TMEM117: variants seen among roughly 807,000 people sequenced by gnomAD.
TMEM117 encodes the protein transmembrane protein 117.
TMEM117 carries 27 observed loss-of-function variants against 52.4 expected under a neutral mutation model. That is an observed-to-expected ratio of 0.51 (90% confidence interval 0.38 to 0.71). The LOEUF is 0.71. TMEM117 is among the 30% of genes least tolerant of loss of function. The probability of loss-of-function intolerance (pLI) is 0.00; values close to 1 mark genes in which losing one functional copy is unlikely to be tolerated. For synonymous variants in TMEM117, 215 were observed against 206.3 expected, an observed-to-expected ratio of 1.04 and a Z score of -0.36; for missense variants, 556 against 630.5, an observed-to-expected ratio of 0.88 and a Z score of 1.26.
At chr12:43,955,755 C>T (rs778912821) in intron 3 of TMEM117, among the ~76,000 whole-genome samples, 2 of 152,136 alleles carry the variant, frequency 1.3e-5, no homozygotes, top group Non-Finnish European at 2.9e-5. Flanking sequence ...ATTAAACTAC[C>T]GTTGACATTC....
intron 5 of TMEM117, among the ~76,000 whole-genome samples, chr12:44,224,163 C>T (rs556835279): frequency 6.6e-6 from 1 of 152,150 alleles, no homozygotes; most frequent in Non-Finnish European, 1.5e-5. Context: ...CACACATGCA[C>T]AACCTCATAT....
intron 6 of TMEM117, among the ~76,000 whole-genome samples, chr12:44,321,686 G>GA (rs1032508143): frequency 1.7e-4 from 26 of 152,196 alleles, no homozygotes; most frequent in African/African-American, 6.0e-4. Flanking sequence ...TATGATGGGT[G>GA]AAAAAACTAT....
intron 4 of TMEM117, among the ~76,000 whole-genome samples, chr12:44,197,836 A>T (rs1195257174): frequency 2.6e-5 from 4 of 152,206 alleles, no homozygotes; most frequent in African/African-American, 9.7e-5. Flanking sequence ...GGGATCCAGC[A>T]ATAAGGTGCA....
intron 3 of TMEM117, among the ~76,000 whole-genome samples, chr12:44,013,880 AGTT>A (rs927483623): frequency 1.3e-5 from 2 of 152,118 alleles, no homozygotes; most frequent in African/African-American, 4.8e-5. Context: ...ATCTAAGAAG[AGTT>A]GTTGATTTTT....
intron 2 of TMEM117, among the ~76,000 whole-genome samples, chr12:43,918,206 G>C (rs1944637136): frequency 6.6e-6 from 1 of 152,192 alleles, no homozygotes; most frequent in East Asian, 1.9e-4. Context: ...TCATTGCCTG[G>C]AACAGTTCTT....
intron 5 of TMEM117, chr12:44,263,621 T>G (rs1565650746): frequency 6.6e-6 from 1 of 152,198 alleles, no homozygotes; most frequent in African/African-American, 2.4e-5. Context: ...GACTGGTTCC[T>G]TACAGAATTG....
At chr12:43,839,426 C>A (rs1294724719) in intron 1 of TMEM117, among the ~76,000 whole-genome samples, 1 of 152,162 alleles carries the variant, frequency 6.6e-6, no homozygotes, top group Non-Finnish European at 1.5e-5. Flanking sequence ...ATACTGCCCT[C>A]CTTAACGATC....
At chr12:44,197,456 T>C (rs747871459) in intron 4 of TMEM117, among the ~76,000 whole-genome samples, 1 of 152,188 alleles carries the variant, frequency 6.6e-6, no homozygotes, top group Non-Finnish European at 1.5e-5. Context: ...TCATATAATA[T>C]TGGGCTAATA....
chr12:44,057,121 T>C (rs1947068211), intron 3 of TMEM117, among the ~76,000 whole-genome samples: 1 of 152,300 alleles, frequency 6.6e-6, no homozygotes, highest in South Asian at 2.1e-4. Flanking sequence ...ATATTTTACT[T>C]TGAGGTGTTG....
Position 44,191,544 on chromosome 12 carries a change from C to T in TMEM117, c.511-19746C>T, listed in dbSNP as rs116808835. On this transcript the variant is annotated intron_variant, in intron 4 of 7. Transcript: ENST00000266534. ...CATGGTAGAGTTGTAGTAATGGCTT[C>T]AGTTGACATTTTGTTCTGTCCTACT... 5.5e-3 allele frequency among the ~76,000 whole-genome samples: 832 copies of T among 152,260 alleles called. 8 individuals are homozygous for T. Among genetic ancestry groups the T allele is most frequent in the African/African-American group, 0.019 (773 of 41,556 alleles).
chr12:44,180,621 G>C lies in TMEM117; in HGVS notation c.511-30669G>C, dbSNP rs763685064. Among the ~76,000 whole-genome samples, 35 of 150,706 alleles carry C rather than the reference G, an allele frequency of 2.3e-4. No individual in the cohort carries two copies. The Middle Eastern group carries it at 0.017, about 73-fold the overall frequency. ...ATGCGGTGTCTGGTTTTTTGTTCTT[G>C]TGATAGTTTACTGAGAATGATGATT... On this transcript the variant is annotated intron_variant, in intron 4 of 7. Coordinates refer to ENST00000266534, the MANE Select transcript of TMEM117 (RefSeq NM_032256.3).
At chr12:44,061,103 A>G (rs1041186796) in intron 3 of TMEM117, among the ~76,000 whole-genome samples, 13 of 152,206 alleles carry the variant, frequency 8.5e-5, no homozygotes, top group African/African-American at 3.1e-4. Context: ...AGGGCCATGC[A>G]AATTTTAAGT....
chr12:44,062,220 T>A (rs1388103140), intron 3 of TMEM117, among the ~76,000 whole-genome samples: 2 of 152,176 alleles, frequency 1.3e-5, no homozygotes, highest in African/African-American at 4.8e-5. Context: ...ATTTTATAAA[T>A]TTTTCCAGGA....
At chr12:44,095,010 C>T (rs1433900759) in intron 3 of TMEM117, among the ~76,000 whole-genome samples, 1 of 151,904 alleles carries the variant, frequency 6.6e-6, no homozygotes, top group African/African-American at 2.4e-5. Context: ...AAAATATTAC[C>T]ATGTTGGTCA....
chr12:43,830,594 A>G, the TMEM117 span, among the ~76,000 whole-genome samples: 1 of 148,538 alleles, frequency 6.7e-6, no homozygotes, highest in Non-Finnish European at 1.5e-5. Flanking sequence ...TGGGCAACAG[A>G]GCAAGACACT....
At chr12:44,103,227 C>CTT (rs772854739) in intron 3 of TMEM117, among the ~76,000 whole-genome samples, 80 of 143,900 alleles carry the variant, frequency 5.6e-4, no homozygotes, top group African/African-American at 1.8e-3. Context: ...AACTCCATAT[C>CTT]TTTTTTTTTT....
At chr12:43,838,509 T>C (rs1943067488) in intron 1 of TMEM117, among the ~76,000 whole-genome samples, 1 of 150,958 alleles carries the variant, frequency 6.6e-6, no homozygotes, top group South Asian at 2.1e-4. Context: ...TTATCCAGAC[T>C]CTACTCTCTC....
chr12:43,830,373 C>T, the TMEM117 span, among the ~76,000 whole-genome samples: 2 of 151,922 alleles, frequency 1.3e-5, no homozygotes, highest in African/African-American at 4.8e-5. Context: ...CTTTGGGAGG[C>T]CGAGGCAGGT....
At chr12:44,207,293 C>T (rs1402483566) in intron 4 of TMEM117, among the ~76,000 whole-genome samples, 1 of 152,106 alleles carries the variant, frequency 6.6e-6, no homozygotes, top group Non-Finnish European at 1.5e-5. Flanking sequence ...ATGAATATCA[C>T]ATGCTTAGCA....
Sources: gnomAD v4.1 joint callset for allele counts (sites outside exome capture counted in the v4.1 genomes callset) on GRCh38, gnomAD v4.1.1 for gene constraint, MANE v1.5 for transcripts, NCBI Gene and HGNC (gene_info 2026-07-23, HGNC 2026-07-21) for gene names.